POU3F3: variants seen among roughly 807,000 people sequenced by gnomAD.
The protein encoded by POU3F3 is POU class 3 homeobox 3, also known as POU domain, class 3, transcription factor 3.
POU3F3 carries 1 observed loss-of-function variant against 8.6 expected under a neutral mutation model. That is an observed-to-expected ratio of 0.12 (90% CI 0.04 to 0.55). POU3F3 has a LOEUF of 0.55. Ranked by LOEUF, POU3F3 falls within the 20% of genes least tolerant of loss-of-function variation. POU3F3 has a pLI of 0.91. For missense variants in POU3F3, 577 were observed against 690.7 expected, an observed-to-expected ratio of 0.84 and a Z score of 1.84; for synonymous variants, 418 against 327.4, an observed-to-expected ratio of 1.28 and a Z score of -2.99.
chr2:104,888,455 T>G, the POU3F3 span, among the ~76,000 whole-genome samples: 1 of 152,188 alleles, frequency 6.6e-6, no homozygotes, highest in African/African-American at 2.4e-5. Flanking sequence ...TTTGGAAGGC[T>G]TTCAGAACAT....
chr2:104,891,974 G>A, the POU3F3 span, among the ~76,000 whole-genome samples: 1 of 152,268 alleles, frequency 6.6e-6, no homozygotes, highest in Admixed American at 6.5e-5. Context: ...AAGAAGCAAC[G>A]TTCTTGAGGT....
chr2:104,880,226 G>C, the POU3F3 span, among the ~76,000 whole-genome samples: 3 of 152,058 alleles, frequency 2.0e-5, no homozygotes, highest in Non-Finnish European at 4.4e-5. Flanking sequence ...GGGACCACCT[G>C]TTCACTCCAC....
chr2:104,879,766 A>G, the POU3F3 span, among the ~76,000 whole-genome samples: 1 of 152,086 alleles, frequency 6.6e-6, no homozygotes, highest in Non-Finnish European at 1.5e-5. Flanking sequence ...TGAAATTCAT[A>G]CCTACCAAGA....
chr2:104,906,364 G>A, the POU3F3 span, among the ~76,000 whole-genome samples: 5 of 152,106 alleles, frequency 3.3e-5, no homozygotes, highest in African/African-American at 1.2e-4. Flanking sequence ...CTGTCCATTG[G>A]ATCTATTAAT....
the POU3F3 span, among the ~76,000 whole-genome samples, chr2:104,927,433 C>A: frequency 2.0e-5 from 3 of 151,964 alleles, no homozygotes; most frequent in Non-Finnish European, 4.4e-5. Flanking sequence ...GGATTTAACT[C>A]TCTGATAAAT....
chr2:104,903,925 C>T, the POU3F3 span, among the ~76,000 whole-genome samples: 1 of 152,116 alleles, frequency 6.6e-6, no homozygotes, highest in Non-Finnish European at 1.5e-5. Context: ...CCAGCAAGTT[C>T]CTTTCCTTGC....
the POU3F3 span, among the ~76,000 whole-genome samples, chr2:104,891,009 G>A: frequency 1.3e-5 from 2 of 152,238 alleles, no homozygotes; most frequent in Non-Finnish European, 2.9e-5. Flanking sequence ...TACTAGCTGT[G>A]CAGCCCTGAG....
At chr2:104,873,056 C>G in the POU3F3 span, among the ~76,000 whole-genome samples, 1 of 152,192 alleles carries the variant, frequency 6.6e-6, no homozygotes, top group Non-Finnish European at 1.5e-5. Context: ...CCCTTTGTTT[C>G]TGGAAACACG....
the POU3F3 span, among the ~76,000 whole-genome samples, chr2:104,910,257 T>C: frequency 1.3e-5 from 2 of 152,156 alleles, no homozygotes; most frequent in East Asian, 1.9e-4. Flanking sequence ...GCTGCTCAAC[T>C]TTCTCTGGGG....
At position 104,854,610 on chromosome 2, in the gene POU3F3, A is replaced by T. The variant is rs1327930658; in HGVS notation, c.-901A>T. The stretch of plus-strand genomic sequence containing the variant: ...CTGTGACTGTTGCGAGGAGAATGAA[A>T]AAGGACTCTTGTTTCAGAGGCAACC... On this transcript the variant is annotated 5_prime_UTR_variant, in exon 1 of 1. Transcript: ENST00000361360. This position sits in a 1 kb window ranked among gnomAD's most constrained non-coding sequence, Gnocchi z 4.5. Among the ~76,000 whole-genome samples the T allele has an allele frequency of 2.6e-5, 4 of 152,196 alleles. No homozygotes were observed. In the East Asian group the frequency reaches 7.7e-4, roughly 29 times the overall value.
the POU3F3 span, chr2:104,867,245 C>T: frequency 6.6e-6 from 1 of 152,252 alleles, no homozygotes; most frequent in Admixed American, 6.5e-5. The surrounding 1 kb of genome is among the most constrained non-coding windows in gnomAD (Gnocchi z 5.0). Context: ...GGAAAAGAAT[C>T]TCGCAGAAGG....
At chr2:104,877,070 A>G in the POU3F3 span, among the ~76,000 whole-genome samples, 1 of 152,152 alleles carries the variant, frequency 6.6e-6, no homozygotes, top group Non-Finnish European at 1.5e-5. Context: ...ACACACACAG[A>G]GTCATTGCCT....
chr2:104,890,709 G>A, the POU3F3 span, among the ~76,000 whole-genome samples: 1 of 152,138 alleles, frequency 6.6e-6, no homozygotes, highest in Non-Finnish European at 1.5e-5. Context: ...TAGCAGGCAC[G>A]CAAGGGCATA....
downstream of POU3F3, among the ~76,000 whole-genome samples, chr2:104,859,641 G>A (rs1465516970): frequency 8.5e-5 from 13 of 152,118 alleles, no homozygotes; most frequent in African/African-American, 3.1e-4. Flanking sequence ...TCCCAGACAG[G>A]CCCTGTGTCA....
chr2:104,900,918 C>A, the POU3F3 span, among the ~76,000 whole-genome samples: 2 of 152,218 alleles, frequency 1.3e-5, no homozygotes, highest in Admixed American at 1.3e-4. Flanking sequence ...TATTAAAATG[C>A]TGTGCAGTTC....
At chr2:104,912,658 C>T in the POU3F3 span, among the ~76,000 whole-genome samples, 3 of 152,302 alleles carry the variant, frequency 2.0e-5, no homozygotes, top group African/African-American at 7.2e-5. Context: ...TGCTCCAAGC[C>T]TGAACATTGA....
At chr2:104,923,444 C>G in the POU3F3 span, among the ~76,000 whole-genome samples, 1 of 152,174 alleles carries the variant, frequency 6.6e-6, no homozygotes, top group Non-Finnish European at 1.5e-5. Flanking sequence ...TGAAATTAAG[C>G]TGCTATTAAT....
chr2:104,881,436 G>T, the POU3F3 span, among the ~76,000 whole-genome samples: 1 of 152,082 alleles, frequency 6.6e-6, no homozygotes, highest in Non-Finnish European at 1.5e-5. Context: ...AAAGTGTTGG[G>T]ATTACAGGCA....
the POU3F3 span, among the ~76,000 whole-genome samples, chr2:104,891,121 A>T: frequency 1.3e-5 from 2 of 152,196 alleles, no homozygotes; most frequent in Non-Finnish European, 2.9e-5. Context: ...GAGATCATTT[A>T]GCAAGCAACC....
Sources: allele counts gnomAD v4.1 joint callset (sites outside exome capture counted in the v4.1 genomes callset), GRCh38; gene constraint gnomAD v4.1.1; non-coding constraint Gnocchi (gnomAD v3.1); transcripts MANE v1.5; gene names NCBI Gene and HGNC (gene_info 2026-07-23, HGNC 2026-07-21).